FHIT: variants seen among roughly 807,000 people sequenced by gnomAD.
The protein encoded by FHIT is bis(5'-adenosyl)-triphosphatase.
FHIT carries 19 observed loss-of-function variants against 17.9 expected under a neutral mutation model. The ratio of observed to expected loss-of-function variants is 1.06; its 90% confidence interval spans 0.74 to 1.56. FHIT has a LOEUF of 1.56. Among genes scored for constraint, FHIT ranks in the 40% most tolerant of loss-of-function variants. The pLI is 0.00. For missense variants in FHIT, 248 were observed against 189.2 expected (o/e 1.31, Z -1.82); for synonymous variants, 81 against 69.7 (o/e 1.16, Z -0.81).
At chr3:60,099,990 C>G (rs1349671336) in intron 5 of FHIT, among the ~76,000 whole-genome samples, 1 of 152,120 alleles carries the variant, frequency 6.6e-6, no homozygotes, top group Non-Finnish European at 1.5e-5. Context: ...TCTGTTCAAA[C>G]AATTATCAGG....
At chr3:60,658,254 C>T (rs2040162458) in intron 4 of FHIT, among the ~76,000 whole-genome samples, 1 of 152,094 alleles carries the variant, frequency 6.6e-6, no homozygotes, top group Non-Finnish European at 1.5e-5. Context: ...CATGTTGTAG[C>T]ATATGTCAGA....
At position 60,881,949 on chromosome 3, in the gene FHIT, A is replaced by G. The variant is rs1249794949; in HGVS notation, c.-110-59938T>C. Among the ~76,000 whole-genome samples the G allele has an allele frequency of 1.1e-4, 16 of 152,120 alleles. 1 individual carries two copies. Among genetic ancestry groups the G allele is most frequent in the Admixed American group, 1.0e-3 (16 of 15,262 alleles). ...TTGAGACTAAAACTTACAAAAGATC[A>G]ATTTTTAAAACTTTTTTTGAAAAGA... On this transcript the variant is annotated intron_variant, in intron 3 of 9. Transcript: ENST00000492590.
chr3:60,174,794 A>C (rs917307383), intron 5 of FHIT, among the ~76,000 whole-genome samples: 1 of 152,206 alleles, frequency 6.6e-6, no homozygotes, highest in Non-Finnish European at 1.5e-5. Context: ...ATAAAACGCC[A>C]TGCCCACTCA....
At chr3:60,177,709 A>G (rs1701741891) in intron 5 of FHIT, among the ~76,000 whole-genome samples, 1 of 152,224 alleles carries the variant, frequency 6.6e-6, no homozygotes, top group East Asian at 1.9e-4. Context: ...CAGCTGAGAT[A>G]TAATTATGCC....
chr3:60,798,985 G>T (rs542522354), intron 4 of FHIT, among the ~76,000 whole-genome samples: 1 of 151,948 alleles, frequency 6.6e-6, no homozygotes, highest in African/African-American at 2.4e-5. Flanking sequence ...GGGATTACAG[G>T]TGTACTGTAC....
At chr3:60,128,788 C>A (rs961714970) in intron 5 of FHIT, among the ~76,000 whole-genome samples, 5 of 152,116 alleles carry the variant, frequency 3.3e-5, no homozygotes, top group African/African-American at 4.8e-5. Flanking sequence ...GCTCAATGAA[C>A]ACTGCACAGG....
chr3:59,917,611 A>G (rs1306413137), intron 8 of FHIT, among the ~76,000 whole-genome samples: 3 of 152,238 alleles, frequency 2.0e-5, no homozygotes, highest in Non-Finnish European at 4.4e-5. Context: ...AGATGTAGAA[A>G]GAGTTTGGGA....
intron 2 of FHIT, among the ~76,000 whole-genome samples, chr3:61,050,267 C>T (rs764337173): frequency 3.3e-5 from 5 of 151,866 alleles, no homozygotes; most frequent in Admixed American, 6.6e-5. Context: ...CACAAAAAAG[C>T]GAACAGCCAT....
At chr3:60,970,262 G>T (rs577669079) in intron 3 of FHIT, among the ~76,000 whole-genome samples, 6 of 152,192 alleles carry the variant, frequency 3.9e-5, no homozygotes, top group African/African-American at 1.2e-4. Context: ...CATGCTATAT[G>T]TACCTATACA....
intron 5 of FHIT, among the ~76,000 whole-genome samples, chr3:60,279,981 G>C (rs1176699021): frequency 6.6e-6 from 1 of 150,472 alleles, no homozygotes; most frequent in Non-Finnish European, 1.5e-5. Context: ...GCAGTGAGCG[G>C]AGATCGTGCC....
At chr3:60,930,300 G>A (rs1553771339) in intron 3 of FHIT, among the ~76,000 whole-genome samples, 1 of 152,118 alleles carries the variant, frequency 6.6e-6, no homozygotes, top group African/African-American at 2.4e-5. Flanking sequence ...TAGGACATAG[G>A]CATGGGCAAG....
chr3:61,100,165 C>T (rs2035771905), intron 2 of FHIT, among the ~76,000 whole-genome samples: 1 of 152,100 alleles, frequency 6.6e-6, no homozygotes, highest in Non-Finnish European at 1.5e-5. Flanking sequence ...CACCCATCAA[C>T]TCATCATGTA....
intron 1 of FHIT, among the ~76,000 whole-genome samples, chr3:61,208,240 T>A (rs1388629775): frequency 1.3e-5 from 2 of 152,062 alleles, no homozygotes; most frequent in Admixed American, 1.3e-4. Flanking sequence ...TCCAACTATG[T>A]GGTCAATTTC....
chr3:60,061,031 T>G (rs1331275441), intron 5 of FHIT, among the ~76,000 whole-genome samples: 1 of 152,186 alleles, frequency 6.6e-6, no homozygotes, highest in Non-Finnish European at 1.5e-5. Flanking sequence ...GAGCTATTGG[T>G]TGGTCCACAC....
chr3:60,966,315 C>T (rs1274630635), intron 3 of FHIT, among the ~76,000 whole-genome samples: 1 of 152,152 alleles, frequency 6.6e-6, no homozygotes, highest in African/African-American at 2.4e-5. Flanking sequence ...GGGAGTGTCC[C>T]GATTTTCCAG....
chr3:60,070,644 T>G (rs1335562384), intron 5 of FHIT, among the ~76,000 whole-genome samples: 1 of 151,876 alleles, frequency 6.6e-6, no homozygotes, highest in Non-Finnish European at 1.5e-5. Context: ...GGGTTCCAAC[T>G]GCTCAGCTAT....
At chr3:60,250,318 C>A (rs535280594) in intron 5 of FHIT, among the ~76,000 whole-genome samples, 1 of 152,108 alleles carries the variant, frequency 6.6e-6, no homozygotes, top group Non-Finnish European at 1.5e-5. Context: ...TGCTAACAGG[C>A]AAGATAAAAA....
At chr3:61,071,122 T>C (rs969658530) in intron 2 of FHIT, among the ~76,000 whole-genome samples, 3 of 152,144 alleles carry the variant, frequency 2.0e-5, no homozygotes, top group African/African-American at 7.2e-5. Context: ...AGAAGCATAA[T>C]GAACTCAGCA....
rs370281833 is a variant in FHIT, at chr3:59,914,828, A to G, written c.348+7518T>C. Among the ~76,000 whole-genome samples, 4 of 146,414 alleles carry G rather than the reference A, an allele frequency of 2.7e-5. No homozygotes were observed. In the East Asian group the frequency reaches 6.0e-4, roughly 22 times the overall value. On this transcript the variant is annotated intron_variant, in intron 8 of 9. Transcript: ENST00000492590. ...TTTCCAATAGTCTTTTTTTTTTTCT[A>G]TCCTTAATCCCTATACTCTCATTTC...
Sources: gnomAD v4.1 joint callset for allele counts (sites outside exome capture counted in the v4.1 genomes callset) on GRCh38, gnomAD v4.1.1 for gene constraint, MANE v1.5 for transcripts, NCBI Gene and HGNC (gene_info 2026-07-23, HGNC 2026-07-21) for gene names.